ADCY2: variants seen among roughly 807,000 people sequenced by gnomAD.
The protein encoded by ADCY2 is adenylate cyclase 2.
In ADCY2, 31 loss-of-function variants were observed where a neutral mutation model predicts 125.2. The observed-to-expected ratio is 0.25, with a 90% confidence interval of 0.19 to 0.33. The LOEUF (loss-of-function observed/expected upper bound fraction) is 0.33. Ranked by LOEUF, ADCY2 falls within the 10% of genes least tolerant of loss-of-function variation. The pLI is 1.00. For missense variants in ADCY2, 904 were observed against 1,418.2 expected (o/e 0.64, Z 5.82); for synonymous variants, 512 against 548.4 (o/e 0.93, Z 0.93).
intron 3 of ADCY2, among the ~76,000 whole-genome samples, chr5:7,585,167 C>T (rs570384606): frequency 3.2e-4 from 49 of 152,202 alleles, no homozygotes; most frequent in Non-Finnish European, 7.4e-5. Flanking sequence ...CCTGGGTCTC[C>T]TCTGAGAATA....
At chr5:7,444,515 T>G (rs1741157535) in intron 2 of ADCY2, among the ~76,000 whole-genome samples, 1 of 152,212 alleles carries the variant, frequency 6.6e-6, no homozygotes, top group Admixed American at 6.5e-5. Context: ...GGCTGCATGT[T>G]TCATTTCACT....
At chr5:7,770,341 T>C (rs1743516150) in intron 17 of ADCY2, among the ~76,000 whole-genome samples, 1 of 152,208 alleles carries the variant, frequency 6.6e-6, no homozygotes, top group African/African-American at 2.4e-5. Context: ...AATCCACATA[T>C]ACCCATTGAT....
At chr5:7,462,870 T>A (rs933955475) in intron 2 of ADCY2, among the ~76,000 whole-genome samples, 1 of 152,218 alleles carries the variant, frequency 6.6e-6, no homozygotes, top group Non-Finnish European at 1.5e-5. Context: ...CAGGGTGGAT[T>A]CCTTCTGAAA....
At chr5:7,793,146 G>A (rs988718906) in intron 20 of ADCY2, among the ~76,000 whole-genome samples, 2 of 152,152 alleles carry the variant, frequency 1.3e-5, no homozygotes, top group East Asian at 1.9e-4. Flanking sequence ...TGCTGCTGTT[G>A]GGTTAAAGAC....
In ADCY2 at chr5:7,575,285, A is replaced by AT. The variant is rs565540070; in HGVS notation, c.571-50873dup. On this transcript the variant is annotated intron_variant, in intron 3 of 24. Coordinates refer to ENST00000338316, the MANE Select transcript of ADCY2 (RefSeq NM_020546.3). ...TTTTGGAGTGGTGACATTATTGGTGATTTTTTTTTCTTTTGGATTGTCTGT... is the reference window on the plus strand; with the variant it reads ...TTTTGGAGTGGTGACATTATTGGTGATTTTTTTTTTCTTTTGGATTGTCTGT... 3.6e-4 allele frequency among the ~76,000 whole-genome samples: 55 copies of AT among 152,090 alleles called. 1 individual carries two copies. In the South Asian group the frequency reaches 8.7e-3, roughly 24 times the overall value.
At chr5:7,712,447 G>T (rs1380102665) in intron 10 of ADCY2, among the ~76,000 whole-genome samples, 6 of 152,128 alleles carry the variant, frequency 3.9e-5, no homozygotes, top group East Asian at 1.9e-4. Flanking sequence ...AGATTTTGTG[G>T]TTATATTTTT....
At chr5:7,501,575 C>T (rs1743571626) in intron 2 of ADCY2, among the ~76,000 whole-genome samples, 1 of 137,772 alleles carries the variant, frequency 7.3e-6, no homozygotes, top group Admixed American at 8.3e-5. Flanking sequence ...GATGAGAGAC[C>T]ATGAGGAATG....
rs2126541163 is a variant in ADCY2, at chr5:7,820,788, GGA to G, written c.3123+100_3123+101del. 3.0e-6 allele frequency: 4 copies of G among 1,347,860 alleles called. No homozygotes were observed. The South Asian group carries it at 8.2e-5, about 28-fold the overall frequency. The allele number at this position is 1,347,860 out of a possible 1,614,324, so 83.5% of individuals were successfully genotyped here. On this transcript the variant is annotated intron_variant, in intron 24 of 24. Transcript: ENST00000338316. The stretch of plus-strand genomic sequence containing the variant: ...AAGGATACTAATATATTAAAACAAA[GGA>G]AAAAAGTAAACCTTGAAATTTACTT...
At chr5:7,724,437 G>A (rs572162517) in intron 12 of ADCY2, 108 bp from the exon 13 acceptor site, 268 of 808,748 alleles carry the variant, frequency 3.3e-4, no homozygotes, top group Non-Finnish European at 4.9e-4. Flanking sequence ...AATGCTGTTC[G>A]GAATGATACA....
chr5:7,644,478 A>G (rs748239696), intron 4 of ADCY2, among the ~76,000 whole-genome samples: 2 of 152,050 alleles, frequency 1.3e-5, no homozygotes, highest in Admixed American at 1.3e-4. Flanking sequence ...TTTTCTCCAT[A>G]TTTATGTTGG....
chr5:7,584,471 A>C, intron 3 of ADCY2, among the ~76,000 whole-genome samples: 1 of 152,118 alleles, frequency 6.6e-6, no homozygotes, highest in Admixed American at 6.6e-5. Context: ...TGGCTGTAAT[A>C]GTTTTGAGCA....
intron 2 of ADCY2, among the ~76,000 whole-genome samples, chr5:7,480,471 G>C (rs1742687345): frequency 6.6e-6 from 1 of 152,230 alleles, no homozygotes; most frequent in South Asian, 2.1e-4. Context: ...TGGACCTGGA[G>C]ACCATTATCC....
At chr5:7,400,524 A>T (rs548328700) in intron 1 of ADCY2, among the ~76,000 whole-genome samples, 2 of 152,360 alleles carry the variant, frequency 1.3e-5, no homozygotes, top group East Asian at 3.9e-4. Context: ...GTAGAGGCCA[A>T]CCAACTTTAT....
At chr5:7,783,853 ATC>A (rs1743998892) in intron 18 of ADCY2, among the ~76,000 whole-genome samples, 1 of 152,190 alleles carries the variant, frequency 6.6e-6, no homozygotes, top group African/African-American at 2.4e-5. Context: ...CAAAATTTTC[ATC>A]TCTGTTATGC....
At chr5:7,672,859 C>G (rs1211186907) in intron 4 of ADCY2, among the ~76,000 whole-genome samples, 1 of 152,098 alleles carries the variant, frequency 6.6e-6, no homozygotes, top group Middle Eastern at 3.2e-3. Context: ...AAGGCCTGAA[C>G]TATTCACTTG....
chr5:7,690,272 C>G (rs1740664397), intron 4 of ADCY2, among the ~76,000 whole-genome samples: 1 of 152,190 alleles, frequency 6.6e-6, no homozygotes, highest in Admixed American at 6.5e-5. Flanking sequence ...TATCAGCTGT[C>G]TTTCTTAAGT....
At chr5:7,616,498 G>A (rs754095841) in intron 3 of ADCY2, among the ~76,000 whole-genome samples, 2 of 152,166 alleles carry the variant, frequency 1.3e-5, no homozygotes, top group Non-Finnish European at 2.9e-5. Flanking sequence ...AATTACTTTA[G>A]GGGGAGAGTA....
At chr5:7,660,380 A>G (rs1205616807) in intron 4 of ADCY2, among the ~76,000 whole-genome samples, 1 of 152,196 alleles carries the variant, frequency 6.6e-6, no homozygotes, top group African/African-American at 2.4e-5. Context: ...AGGCATGGGC[A>G]GGACAGGGTT....
At chr5:7,523,773 G>A (rs187662370) in intron 3 of ADCY2, among the ~76,000 whole-genome samples, 12 of 152,162 alleles carry the variant, frequency 7.9e-5, no homozygotes, top group Non-Finnish European at 1.6e-4. Context: ...TGGTTGTATT[G>A]CTGCAGTGTA....
Sources: allele counts gnomAD v4.1 joint callset (sites outside exome capture counted in the v4.1 genomes callset), GRCh38; gene constraint gnomAD v4.1.1; transcripts MANE v1.5; gene names NCBI Gene and HGNC (gene_info 2026-07-23, HGNC 2026-07-21).